The following CD96 variants were observed in gnomAD, a reference collection of about 807,000 sequenced individuals.
CD96 encodes CD96 molecule.
CD96 carries 70 observed loss-of-function variants against 71.3 expected under a neutral mutation model. The ratio of observed to expected loss-of-function variants is 0.98; its 90% CI spans 0.81 to 1.20. CD96 has a LOEUF of 1.20. CD96 is among the 50% of genes most tolerant of loss of function. The pLI is 0.00. For missense variants in CD96, 742 were observed against 677.5 expected (o/e 1.10, Z -1.06); for synonymous variants, 248 against 233.0 (o/e 1.06, Z -0.59).
intron 6 of CD96, among the ~76,000 whole-genome samples, chr3:111,598,883 T>G (rs1937371429): frequency 2.6e-5 from 4 of 152,208 alleles, no homozygotes. Context: ...TATTCTCCTT[T>G]CTCCTGAGTC....
intron 4 of CD96, chr3:111,579,563 C>A: frequency 2.8e-6 from 1 of 359,628 alleles, no homozygotes; most frequent in Non-Finnish European, 5.4e-6. Flanking sequence ...AGGCTAAGTC[C>A]AAGGTCGAGG....
intron 5 of CD96, among the ~76,000 whole-genome samples, chr3:111,596,018 C>G (rs1189078397): frequency 6.6e-6 from 1 of 151,754 alleles, no homozygotes; most frequent in Admixed American, 6.6e-5. Flanking sequence ...AAAAATTAGC[C>G]AGGTGTGGTG....
intron 10 of CD96, among the ~76,000 whole-genome samples, chr3:111,627,088 G>C (rs750999938): frequency 5.3e-5 from 8 of 152,176 alleles, no homozygotes; most frequent in South Asian, 4.1e-4. Flanking sequence ...ATGGCAAATA[G>C]GATGAGATAA....
At chr3:111,586,429 C>T (rs977021070) in intron 5 of CD96, among the ~76,000 whole-genome samples, 5 of 152,196 alleles carry the variant, frequency 3.3e-5, no homozygotes, top group African/African-American at 9.6e-5. Flanking sequence ...TTTTGCATAA[C>T]TTGGAAAAAT....
intron 6 of CD96, among the ~76,000 whole-genome samples, chr3:111,599,812 A>C (rs1937413916): frequency 6.6e-6 from 1 of 152,214 alleles, no homozygotes; most frequent in Admixed American, 6.5e-5. Flanking sequence ...TAGAGGCTAG[A>C]TTTTGTGGTC....
intron 10 of CD96, among the ~76,000 whole-genome samples, chr3:111,630,921 CA>C (rs1313984573): frequency 6.6e-6 from 1 of 152,184 alleles, no homozygotes; most frequent in East Asian, 1.9e-4. Context: ...ATGATTATCT[CA>C]AAAGATGCAG....
intron 6 of CD96, 21 bp from the exon 7 acceptor site, chr3:111,600,705 A>G (rs1937452861): frequency 6.4e-7 from 1 of 1,565,772 alleles, no homozygotes; most frequent in Non-Finnish European, 8.8e-7. Flanking sequence ...GTGTTGAACC[A>G]TGTTCGTATC....
At chr3:111,558,857 A>T (rs1935222485) in intron 2 of CD96, among the ~76,000 whole-genome samples, 1 of 150,930 alleles carries the variant, frequency 6.6e-6, no homozygotes, top group African/African-American at 2.4e-5. Flanking sequence ...TTGGTTGGTA[A>T]ACTATTGACT....
intron 5 of CD96, among the ~76,000 whole-genome samples, chr3:111,592,696 A>T (rs781743290): frequency 1.3e-5 from 2 of 151,996 alleles, no homozygotes; most frequent in Non-Finnish European, 1.5e-5. Flanking sequence ...AATTTCTTTC[A>T]GTTCTTCCTC....
intron 4 of CD96, 142 bp downstream of exon 4, chr3:111,579,376 A>T: frequency 1.4e-6 from 1 of 720,598 alleles, no homozygotes; most frequent in Non-Finnish European, 2.6e-6. Flanking sequence ...GATACTTGTC[A>T]TTCTTGTTGG....
At chr3:111,575,049 C>T (rs1559729985) in intron 3 of CD96, among the ~76,000 whole-genome samples, 1 of 152,114 alleles carries the variant, frequency 6.6e-6, no homozygotes, top group African/African-American at 2.4e-5. Context: ...CAGCCTTGGC[C>T]TCCCAAAGTG....
chr3:111,642,875 C>A (rs563920146), intron 12 of CD96, among the ~76,000 whole-genome samples: 30 of 151,710 alleles, frequency 2.0e-4, no homozygotes, highest in Non-Finnish European at 3.5e-4. Flanking sequence ...GGATTAACAG[C>A]AGAATTCTAC....
At chr3:111,609,580 T>G (rs577076278) in intron 8 of CD96, among the ~76,000 whole-genome samples, 4 of 152,342 alleles carry the variant, frequency 2.6e-5, no homozygotes, top group Admixed American at 2.6e-4. Context: ...AACACAATTC[T>G]TCTGTGACAA....
intron 5 of CD96, chr3:111,594,246 C>A: frequency 1.3e-6 from 2 of 1,516,870 alleles, no homozygotes; most frequent in Non-Finnish European, 1.8e-6. Context: ...TAGATGTGAG[C>A]CAAAAGCTTA....
At chr3:111,625,399 CA>C (rs1938702116) in intron 10 of CD96, among the ~76,000 whole-genome samples, 1 of 152,090 alleles carries the variant, frequency 6.6e-6, no homozygotes, top group Non-Finnish European at 1.5e-5. Flanking sequence ...AATAGACACC[CA>C]TGAACCCAGT....
At chr3:111,599,646 G>C (rs1256024667) in intron 6 of CD96, among the ~76,000 whole-genome samples, 1 of 152,030 alleles carries the variant, frequency 6.6e-6, no homozygotes, top group Non-Finnish European at 1.5e-5. Context: ...GCTTGAACCT[G>C]GGAAGCAAAG....
chr3:111,577,123 A>G (rs764585827), intron 3 of CD96, among the ~76,000 whole-genome samples: 1 of 152,206 alleles, frequency 6.6e-6, no homozygotes, highest in African/African-American at 2.4e-5. Flanking sequence ...CCACCTAGTC[A>G]CAATCTGCTA....
At chr3:111,570,983 C>T in intron 3 of CD96, 2 of 1,510,738 alleles carry the variant, frequency 1.3e-6, no homozygotes, top group Non-Finnish European at 1.8e-6. Context: ...GAGTGAAAAG[C>T]TGGGAGGGCA....
In CD96 at chr3:111,660,616, T is replaced by A. The variant is rs1325133596; in HGVS notation, c.*53-4911T>A. Reference sequence around the variant, plus strand: ...AGGCATCACACTACCCAACTTCAAATTATACTATAAAGCTACAGTAACCAA... The same window carrying A: ...AGGCATCACACTACCCAACTTCAAAATATACTATAAAGCTACAGTAACCAA... On this transcript the variant is annotated intron_variant and NMD_transcript_variant, in intron 14 of 14. Transcript: ENST00000494798. Among the ~76,000 whole-genome samples, 8 of 152,270 alleles carry A rather than the reference T, an allele frequency of 5.3e-5. No individual in the cohort carries two copies. In the South Asian group the frequency reaches 1.0e-3, roughly 20 times the overall value.
Sources: gnomAD v4.1 joint callset for allele counts (sites outside exome capture counted in the v4.1 genomes callset) on GRCh38, gnomAD v4.1.1 for gene constraint, MANE v1.5 for transcripts, NCBI Gene and HGNC (gene_info 2026-07-23, HGNC 2026-07-21) for gene names.